Variants in TIAM1 observed in about 807,000 individuals in gnomAD.
TIAM1 encodes the protein rho guanine nucleotide exchange factor TIAM1.
A neutral mutation model predicts 163.5 loss-of-function variants in TIAM1; 65 were observed. That is an observed-to-expected ratio of 0.40 (90% CI 0.33 to 0.49). The LOEUF (loss-of-function observed/expected upper bound fraction) is 0.49. Among genes scored for constraint, TIAM1 ranks in the 20% least tolerant of loss-of-function variants. The pLI is 0.77. For synonymous variants in TIAM1, 833 were observed against 810.1 expected (o/e 1.03, Z -0.48); for missense variants, 1,789 against 2,044.7 (o/e 0.87, Z 2.41).
intron 1 of TIAM1, among the ~76,000 whole-genome samples, chr21:31,555,101 G>A (rs2048830184): frequency 6.6e-6 from 1 of 151,808 alleles, no homozygotes; most frequent in Non-Finnish European, 1.5e-5. Flanking sequence ...GTTCCTTGCT[G>A]AGTACTGCTT....
chr21:31,186,896 A>G (rs1443173847), intron 14 of TIAM1, 105 bp downstream of exon 14: 3 of 960,170 alleles, frequency 3.1e-6, no homozygotes, highest in Admixed American at 4.1e-5. Flanking sequence ...ATGTTCAAAT[A>G]CTTTCCACAA....
rs776429877 is a variant in TIAM1, at chr21:31,210,615, GAGAAAGAAAGAA to G, written c.2218-412_2218-401del. Among the ~76,000 whole-genome samples the G allele has an allele frequency of 3.0e-3, 82 of 27,410 alleles. 1 individual carries two copies. The highest frequency in any genetic ancestry group is 4.6e-3 in the Non-Finnish European group (63 of 13,842). The allele number at this position is 27,410 out of a possible 152,430, so 18.0% of individuals were successfully genotyped here. On this transcript the variant is annotated intron_variant, in intron 10 of 27. Transcript: ENST00000541036. ...GAAAGAGAGAAAGAAGGAAGGAAGG[GAGAAAGAAAGAA>G]AGAAAGAAAGAAAGAAAGAAAGAAA...
At chr21:31,179,417 GAAAAACT>G (rs1160752609) in intron 15 of TIAM1, among the ~76,000 whole-genome samples, 1 of 151,558 alleles carries the variant, frequency 6.6e-6, no homozygotes, top group East Asian at 1.9e-4. Flanking sequence ...ATGAAAAAAT[GAAAAACT>G]ACATTAAAAC....
Position 31,158,515 on chromosome 21 carries a change from G to A in TIAM1, c.2992-4089C>T, listed in dbSNP as rs7281005. Among the ~76,000 whole-genome samples the A allele has an allele frequency of 2.3e-3, 343 of 152,136 alleles. 1 individual carries two copies. The highest frequency in any genetic ancestry group is 3.6e-3 in the Non-Finnish European group (246 of 67,986). ...GTAATCTCTTTACTGTCAACTGCAC[G>A]TTATTTGAATAAAGAATAAAAAGGT... On this transcript the variant is annotated intron_variant, in intron 16 of 27. Coordinates refer to ENST00000541036, the MANE Select transcript of TIAM1 (RefSeq NM_001353694.2).
At position 31,130,964 on chromosome 21, in the gene TIAM1, T is replaced by TA. The variant is rs766841175; in HGVS notation, c.3884-17dup. The TA allele has an allele frequency of 6.2e-7, 1 of 1,610,794 alleles. No homozygotes were observed. The highest frequency in any genetic ancestry group is 1.1e-5 in the South Asian group (1 of 91,018). ...GTTTTGAAGACTGGAAAAAATAAAA[T>TA]AAAGACAGTTATGGTATGTCATGTG... is the stretch of plus-strand genomic sequence containing the variant. On this transcript the variant is annotated splice_polypyrimidine_tract_variant and intron_variant, in intron 23 of 27. Transcript: ENST00000541036.
At chr21:31,430,912 T>C (rs538926365) in intron 2 of TIAM1, among the ~76,000 whole-genome samples, 17 of 152,342 alleles carry the variant, frequency 1.1e-4, no homozygotes, top group African/African-American at 3.8e-4. Context: ...CTTTGGTTGT[T>C]TTCCAGAAGA....
At chr21:31,173,516 AAGAG>A (rs201486026) in intron 15 of TIAM1, among the ~76,000 whole-genome samples, 2,513 of 146,610 alleles carry the variant, frequency 0.017, 79 homozygotes, top group African/African-American at 0.063. Flanking sequence ...GCAAGAAAGA[AAGAG>A]AGAGCGAGAG....
chr21:31,171,843 C>T (rs760308544), intron 15 of TIAM1, among the ~76,000 whole-genome samples: 1 of 151,946 alleles, frequency 6.6e-6, no homozygotes, highest in Non-Finnish European at 1.5e-5. Context: ...AAATCTCAAG[C>T]TAACCTCCCA....
Position 31,548,543 on chromosome 21 carries a change from C to T in TIAM1, c.-422+10384G>A, listed in dbSNP as rs371967195. Among the ~76,000 whole-genome samples, 18 of 147,128 alleles carry T rather than the reference C, an allele frequency of 1.2e-4. No homozygotes were observed. The South Asian group carries it at 3.7e-3, about 30-fold the overall frequency. On this transcript the variant is annotated intron_variant, in intron 1 of 28. Coordinates refer to the TIAM1 transcript ENST00000286827. ...TCGTTCTGTCACTCAGGCTGGAGTG[C>T]AATGGCACAATCTCAGCTCACTGCA...
intron 10 of TIAM1, chr21:31,213,136 T>C (rs1733560241): frequency 2.6e-6 from 1 of 389,484 alleles, no homozygotes; most frequent in Non-Finnish European, 4.5e-6. Flanking sequence ...AAATTTCCTC[T>C]TACATTCTAG....
At chr21:31,271,572 C>A (rs1043775071) in intron 3 of TIAM1, among the ~76,000 whole-genome samples, 2 of 152,200 alleles carry the variant, frequency 1.3e-5, no homozygotes, top group Admixed American at 6.5e-5. Context: ...ACCCCCAATT[C>A]TTCCTGGGGA....
At chr21:31,333,827 G>GTACCCCAAAGATGATATTCTACACTC (rs1201936267) in intron 2 of TIAM1, among the ~76,000 whole-genome samples, 1 of 151,900 alleles carries the variant, frequency 6.6e-6, no homozygotes, top group Non-Finnish European at 1.5e-5. Context: ...ATTCTACACT[G>GTACCCCAAAGATGATATTCTACACTC]TATCCCAAAG....
chr21:31,398,746 G>T (rs1390501786), intron 2 of TIAM1, among the ~76,000 whole-genome samples: 1 of 152,238 alleles, frequency 6.6e-6, no homozygotes, highest in Non-Finnish European at 1.5e-5. Flanking sequence ...TCTGTGCCTG[G>T]GCAGATATGG....
At chr21:31,228,597 C>T (rs62221201) in intron 6 of TIAM1, among the ~76,000 whole-genome samples, 12,546 of 152,150 alleles carry the variant, frequency 0.082, 756 homozygotes, top group East Asian at 0.24. Context: ...CAATGAAATA[C>T]TATACAGCAA....
intron 8 of TIAM1, among the ~76,000 whole-genome samples, chr21:31,219,384 A>C (rs1211082370): frequency 1.3e-5 from 2 of 152,176 alleles, no homozygotes; most frequent in Non-Finnish European, 2.9e-5. Context: ...TTGTTGCCAG[A>C]GGTGAATGTC....
intron 2 of TIAM1, among the ~76,000 whole-genome samples, chr21:31,459,270 C>G (rs1399740729): frequency 1.3e-5 from 2 of 152,108 alleles, no homozygotes; most frequent in Non-Finnish European, 2.9e-5. Context: ...TGCCACCATG[C>G]CCAGTTAATT....
intron 1 of TIAM1, among the ~76,000 whole-genome samples, chr21:31,492,928 T>G (rs1235569322): frequency 6.6e-6 from 1 of 152,112 alleles, no homozygotes; most frequent in Non-Finnish European, 1.5e-5. Flanking sequence ...ATAAATAATT[T>G]TTTAAGGTGT....
intron 15 of TIAM1, among the ~76,000 whole-genome samples, chr21:31,181,216 G>GA (rs1212841027): frequency 6.6e-6 from 1 of 152,146 alleles, no homozygotes; most frequent in East Asian, 1.9e-4. Flanking sequence ...TGCTGAACAA[G>GA]AAAGGGCCAC....
At chr21:31,241,178 C>T (rs951137241) in intron 6 of TIAM1, among the ~76,000 whole-genome samples, 15 of 152,188 alleles carry the variant, frequency 9.9e-5, no homozygotes, top group African/African-American at 3.4e-4. Flanking sequence ...TACCCAGTCT[C>T]GGGTATGTCT....
Sources: gnomAD v4.1 joint callset for allele counts (sites outside exome capture counted in the v4.1 genomes callset) on GRCh38, gnomAD v4.1.1 for gene constraint, MANE v1.5 for transcripts, NCBI Gene and HGNC (gene_info 2026-07-23, HGNC 2026-07-21) for gene names.